Variants in MTSS1 observed in about 807,000 individuals in gnomAD.
MTSS1 encodes the protein protein MTSS 1.
A neutral mutation model predicts 79.0 loss-of-function variants in MTSS1; 18 were observed. The observed-to-expected ratio is 0.23, with a 90% CI of 0.16 to 0.34. The LOEUF is 0.34. Among genes scored for constraint, MTSS1 ranks in the 10% least tolerant of loss-of-function variants. MTSS1 has a pLI of 1.00. For missense variants in MTSS1, 815 were observed against 986.2 expected (o/e 0.83, Z 2.33); for synonymous variants, 341 against 368.6 (o/e 0.93, Z 0.86).
intron 3 of MTSS1, among the ~76,000 whole-genome samples, chr8:124,669,287 T>A (rs1406600286): frequency 6.6e-6 from 1 of 152,236 alleles, no homozygotes; most frequent in African/African-American, 2.4e-5. Context: ...AGAAACTGTG[T>A]AGGTGTCCAC....
chr8:124,566,457 T>G (rs1826489364), intron 8 of MTSS1, among the ~76,000 whole-genome samples: 1 of 152,200 alleles, frequency 6.6e-6, no homozygotes, highest in South Asian at 2.1e-4. Context: ...GACGAAAAGA[T>G]TGTTACCAAG....
chr8:124,682,200 A>C (rs981963082), intron 3 of MTSS1, among the ~76,000 whole-genome samples: 3 of 151,320 alleles, frequency 2.0e-5, no homozygotes, highest in African/African-American at 7.3e-5. Context: ...TTTCCATTTT[A>C]CGCTAAAGCC....
rs777429540 is a variant in MTSS1 at position 124,593,347 on chromosome 8, G to A, written c.209-2112C>T. On this transcript the variant is annotated intron_variant, in intron 3 of 13. Transcript: ENST00000518547. ...TACTACTTTCCTGGAGCAAAATGTG[G>A]TAGCGTCTATCAAGAAAAGCCTTGA... 6.6e-4 allele frequency among the ~76,000 whole-genome samples: 100 copies of A among 152,194 alleles called. 1 individual carries two copies. Among genetic ancestry groups the A allele is most frequent in the Non-Finnish European group, 9.4e-4 (64 of 68,032 alleles).
At chr8:124,677,552 C>T (rs1825509120) in intron 3 of MTSS1, among the ~76,000 whole-genome samples, 3 of 152,144 alleles carry the variant, frequency 2.0e-5, no homozygotes, top group Non-Finnish European at 4.4e-5. Flanking sequence ...TCATTTTTTT[C>T]CCCAACTCTT....
At chr8:124,615,501 G>GA (rs1038601259) in intron 3 of MTSS1, among the ~76,000 whole-genome samples, 3 of 152,146 alleles carry the variant, frequency 2.0e-5, no homozygotes, top group African/African-American at 7.2e-5. Context: ...CCACTTCCAC[G>GA]AGGTGTCTAG....
At chr8:124,676,172 T>A (rs1825255195) in intron 3 of MTSS1, among the ~76,000 whole-genome samples, 1 of 152,218 alleles carries the variant, frequency 6.6e-6, no homozygotes, top group Non-Finnish European at 1.5e-5. Flanking sequence ...AGGTATTGAT[T>A]AATAATTTGA....
chr8:124,704,316 G>C, intron 1 of MTSS1, 125 bp from the exon 2 acceptor site: 1 of 839,108 alleles, frequency 1.2e-6, no homozygotes, highest in Middle Eastern at 2.2e-4. Flanking sequence ...TTGCAGGTCT[G>C]CAATACGTTT....
intron 3 of MTSS1, among the ~76,000 whole-genome samples, chr8:124,695,954 G>C (rs942853537): frequency 2.6e-5 from 4 of 151,888 alleles, no homozygotes; most frequent in Admixed American, 2.6e-4. Flanking sequence ...GAGGGGCGGG[G>C]AAGTGGGGAG....
rs201374952 is a variant in MTSS1, at chr8:124,688,306, GTA to G, written c.208+11218_208+11219del. On this transcript the variant is annotated intron_variant, in intron 3 of 13. Transcript: ENST00000518547. Reference sequence around the variant, plus strand: ...ATGTGTGTACGTGTATGTTGTGAATGTATGTGTATGTGTACATGTGTACGTCT... The same window carrying G: ...ATGTGTGTACGTGTATGTTGTGAATGTGTGTATGTGTACATGTGTACGTCT... Among the ~76,000 whole-genome samples the G allele has an allele frequency of 6.5e-3, 973 of 150,456 alleles. 7 individuals are homozygous for G. Among genetic ancestry groups the G allele is most frequent in the African/African-American group, 0.023 (919 of 40,766 alleles).
chr8:124,672,104 A>T (rs1824329942), intron 3 of MTSS1, among the ~76,000 whole-genome samples: 1 of 152,204 alleles, frequency 6.6e-6, no homozygotes, highest in Admixed American at 6.5e-5. Flanking sequence ...TAAGAATGTA[A>T]TTTTTTCAGC....
chr8:124,653,829 G>A (rs962065651), intron 3 of MTSS1, among the ~76,000 whole-genome samples: 5 of 152,218 alleles, frequency 3.3e-5, no homozygotes, highest in Admixed American at 3.3e-4. Flanking sequence ...ACAAGCATGT[G>A]TGACTTTCCT....
chr8:124,573,759 C>T (rs1191466071), intron 6 of MTSS1, among the ~76,000 whole-genome samples: 2 of 152,204 alleles, frequency 1.3e-5, no homozygotes, highest in Non-Finnish European at 2.9e-5. Context: ...GAATTGCTTT[C>T]GGCTTTCTTC....
chr8:124,676,662 C>G (rs1825345794), intron 3 of MTSS1, among the ~76,000 whole-genome samples: 1 of 152,232 alleles, frequency 6.6e-6, no homozygotes, highest in Non-Finnish European at 1.5e-5. Flanking sequence ...TCTCAACTCC[C>G]TCTAGGTGTT....
At chr8:124,645,539 G>A (rs1359998055) in intron 3 of MTSS1, among the ~76,000 whole-genome samples, 1 of 152,174 alleles carries the variant, frequency 6.6e-6, no homozygotes, top group Non-Finnish European at 1.5e-5. Flanking sequence ...TCCAAAGGAC[G>A]CTGATTTGAG....
chr8:124,686,395 C>CT (rs148372900), intron 3 of MTSS1, among the ~76,000 whole-genome samples: 1 of 151,986 alleles, frequency 6.6e-6, no homozygotes, highest in Non-Finnish European at 1.5e-5. Context: ...AGGAAGCAGT[C>CT]TTTTTTTAGT....
At chr8:124,620,270 G>T (rs980451942) in intron 3 of MTSS1, among the ~76,000 whole-genome samples, 1 of 152,132 alleles carries the variant, frequency 6.6e-6, no homozygotes, top group Admixed American at 6.5e-5. Flanking sequence ...TCTATCCACT[G>T]CTTTAACTTT....
chr8:124,569,833 C>G (rs142424122), intron 6 of MTSS1, among the ~76,000 whole-genome samples: 5 of 152,316 alleles, frequency 3.3e-5, no homozygotes, highest in African/African-American at 9.6e-5. Flanking sequence ...AAGGGACTCA[C>G]CTAAGGTCAC....
At chr8:124,662,104 A>G (rs536255768) in intron 3 of MTSS1, among the ~76,000 whole-genome samples, 7 of 152,318 alleles carry the variant, frequency 4.6e-5, no homozygotes, top group Admixed American at 2.0e-4. Context: ...GTGGCATGTT[A>G]GATCTATTGA....
chr8:124,584,568 G>A (rs575498159), intron 6 of MTSS1, among the ~76,000 whole-genome samples: 3 of 152,160 alleles, frequency 2.0e-5, no homozygotes, highest in African/African-American at 7.2e-5. Context: ...ATCTTGCCTG[G>A]TTGTGCTCAG....
Sources: gnomAD v4.1 joint callset for allele counts (sites outside exome capture counted in the v4.1 genomes callset) on GRCh38, gnomAD v4.1.1 for gene constraint, MANE v1.5 for transcripts, NCBI Gene and HGNC (gene_info 2026-07-23, HGNC 2026-07-21) for gene names.